The following TRHDE variants were observed in gnomAD, a reference collection of about 807,000 sequenced individuals.
TRHDE encodes the protein thyrotropin releasing hormone degrading enzyme.
Under a neutral mutation model 125.7 loss-of-function variants are expected in TRHDE, and 72 were observed. The observed-to-expected ratio is 0.57, with a 90% CI of 0.47 to 0.70. The LOEUF (loss-of-function observed/expected upper bound fraction) is 0.70. TRHDE is among the 30% of genes least tolerant of loss of function. TRHDE has a pLI of 0.00. For synonymous variants in TRHDE, 509 were observed against 509.1 expected (o/e 1.00, Z 0.00); for missense variants, 1,110 against 1,327.1 (o/e 0.84, Z 2.54).
In TRHDE at chr12:72,667,742, G is replaced by A. The variant is rs572859192; in HGVS notation, c.*4547G>A. ...GTTTGATTTCCTAGTGCTTACTTGT[G>A]TTTTACAGAAATATGTTACATTTTG... On this transcript the variant is annotated 3_prime_UTR_variant, in exon 19 of 19. Transcript: ENST00000261180. 4 of 151,540 alleles carry A rather than the reference G, an allele frequency of 2.6e-5. No individual in the cohort carries two copies. The highest frequency in any genetic ancestry group is 9.7e-5 in the African/African-American group (4 of 41,420). The allele number at this position is 151,540 out of a possible 1,614,324, so 9.4% of individuals were successfully genotyped here.
intron 12 of TRHDE, among the ~76,000 whole-genome samples, chr12:72,580,398 T>TA (rs1871170929): frequency 6.6e-6 from 1 of 152,220 alleles, no homozygotes; most frequent in Admixed American, 6.5e-5. Flanking sequence ...ACTTTAAAAT[T>TA]AGTAACTAAA....
intron 2 of TRHDE, among the ~76,000 whole-genome samples, chr12:72,375,533 C>T (rs190033564): frequency 1.3e-5 from 2 of 152,212 alleles, no homozygotes; most frequent in South Asian, 2.1e-4. Flanking sequence ...AACAGGGAAG[C>T]GTCCTAAGAG....
At chr12:72,170,015 A>G (rs1876835644) in intron 2 of TRHDE, among the ~76,000 whole-genome samples, 1 of 152,230 alleles carries the variant, frequency 6.6e-6, no homozygotes, top group African/African-American at 2.4e-5. Flanking sequence ...TCCACAAGGT[A>G]GAATGGAGAG....
intron 5 of TRHDE, among the ~76,000 whole-genome samples, chr12:72,475,603 A>C (rs1592473192): frequency 6.6e-6 from 1 of 152,156 alleles, no homozygotes; most frequent in East Asian, 1.9e-4. Context: ...AAATATAGGA[A>C]TTCTGGAAAA....
At chr12:72,239,658 A>G (rs1309266018) in intron 2 of TRHDE, among the ~76,000 whole-genome samples, 4 of 152,198 alleles carry the variant, frequency 2.6e-5, no homozygotes, top group African/African-American at 9.6e-5. Context: ...TGCAATTGCT[A>G]TTTCCTATGA....
chr12:72,136,762 G>A (rs74760814), intron 2 of TRHDE, among the ~76,000 whole-genome samples: 2,599 of 152,310 alleles, frequency 0.017, 40 homozygotes, highest in Middle Eastern at 0.041. Context: ...TCGTTGTATG[G>A]AGGAGAAAGT....
At position 72,273,612 on chromosome 12, in the gene TRHDE, T is replaced by G; in HGVS notation, c.914+55T>G. On this transcript the variant is annotated intron_variant, in intron 1 of 18. Transcript: ENST00000261180. This position sits in a 1 kb window ranked among gnomAD's most constrained non-coding sequence, Gnocchi z 5.3. ...CCCACCCCGGCGCGCGGCTCGAACC[T>G]CTGGGCGGCCTGCGACCCCGGGGAC... is the stretch of plus-strand genomic sequence containing the variant. 1 of 1,503,752 alleles carries G rather than the reference T, an allele frequency of 6.7e-7. No homozygotes were observed. 93.2% of individuals were successfully genotyped at this position (1,503,752 alleles called of 1,614,324 possible).
intron 2 of TRHDE, among the ~76,000 whole-genome samples, chr12:72,345,168 T>C (rs1408607828): frequency 6.6e-6 from 1 of 152,192 alleles, no homozygotes; most frequent in Non-Finnish European, 1.5e-5. Flanking sequence ...TCTCATTTTT[T>C]GTATTAATAC....
chr12:72,429,432 G>A (rs1874344793), intron 3 of TRHDE, among the ~76,000 whole-genome samples: 1 of 151,672 alleles, frequency 6.6e-6, no homozygotes, highest in Non-Finnish European at 1.5e-5. Flanking sequence ...TTCATCAGGT[G>A]AGGGACATTT....
At chr12:72,130,677 T>A (rs1409712554) in intron 2 of TRHDE, among the ~76,000 whole-genome samples, 1 of 152,144 alleles carries the variant, frequency 6.6e-6, no homozygotes, top group Non-Finnish European at 1.5e-5. Flanking sequence ...GATGAAATAC[T>A]GGGGGTAATA....
intron 2 of TRHDE, among the ~76,000 whole-genome samples, chr12:72,215,613 T>C (rs2139364725): frequency 6.6e-6 from 1 of 152,292 alleles, no homozygotes. Flanking sequence ...AATAGTGTAG[T>C]TTGGGATCCC....
chr12:72,340,931 G>A (rs994699922), intron 2 of TRHDE, among the ~76,000 whole-genome samples: 2 of 152,044 alleles, frequency 1.3e-5, no homozygotes, highest in African/African-American at 4.8e-5. Flanking sequence ...CTCCCACTGG[G>A]TACAATCTTG....
At chr12:72,317,373 A>G (rs2135706212) in intron 2 of TRHDE, among the ~76,000 whole-genome samples, 1 of 152,304 alleles carries the variant, frequency 6.6e-6, no homozygotes, top group East Asian at 1.9e-4. Context: ...GTTTGTTCCT[A>G]CTTCTATAAT....
intron 1 of TRHDE, among the ~76,000 whole-genome samples, chr12:72,280,189 T>G (rs74103697): frequency 0.027 from 4,149 of 152,276 alleles, 204 homozygotes; most frequent in African/African-American, 0.094. Context: ...CCAGATTTCC[T>G]AATTGCTGTG....
intron 2 of TRHDE, among the ~76,000 whole-genome samples, chr12:72,133,177 T>C (rs1875903285): frequency 6.6e-6 from 1 of 152,148 alleles, no homozygotes; most frequent in Non-Finnish European, 1.5e-5. Flanking sequence ...CTATTGACAA[T>C]TTAAAGATGA....
chr12:72,317,883 G>A (rs117584971), intron 2 of TRHDE, among the ~76,000 whole-genome samples: 48 of 152,246 alleles, frequency 3.2e-4, no homozygotes, highest in Admixed American at 5.9e-4. Flanking sequence ...GAGTGGCAGG[G>A]CTGAAGGGGC....
intron 3 of TRHDE, among the ~76,000 whole-genome samples, chr12:72,423,580 T>G (rs1434964477): frequency 1.3e-5 from 2 of 152,298 alleles, no homozygotes; most frequent in East Asian, 3.9e-4. Flanking sequence ...ATTCATGGAT[T>G]GTTGTAGGCA....
intron 3 of TRHDE, among the ~76,000 whole-genome samples, chr12:72,464,610 G>C (rs1168980190): frequency 6.6e-6 from 1 of 152,110 alleles, no homozygotes; most frequent in Non-Finnish European, 1.5e-5. Flanking sequence ...AAGTCAGAAA[G>C]TGGCAAGAAA....
chr12:72,640,109 G>T (rs568461043), intron 15 of TRHDE, among the ~76,000 whole-genome samples: 1 of 152,322 alleles, frequency 6.6e-6, no homozygotes, highest in African/African-American at 2.4e-5. Context: ...CAGCCTCGCT[G>T]CCGCCTTGCA....
Sources: gnomAD v4.1 joint callset for allele counts (sites outside exome capture counted in the v4.1 genomes callset) on GRCh38, gnomAD v4.1.1 for gene constraint, Gnocchi (gnomAD v3.1) non-coding constraint, MANE v1.5 for transcripts, NCBI Gene and HGNC (gene_info 2026-07-23, HGNC 2026-07-21) for gene names.